Variants in HSD17B4 observed in about 807,000 individuals in gnomAD.
HSD17B4 encodes peroxisomal multifunctional enzyme type 2.
Under a neutral mutation model 101.0 loss-of-function variants are expected in HSD17B4, and 70 were observed. That is an observed-to-expected ratio of 0.69 (90% CI 0.57 to 0.85). HSD17B4 has a LOEUF of 0.85. Ranked by LOEUF, HSD17B4 falls within the 40% of genes least tolerant of loss-of-function variation. HSD17B4 has a pLI of 0.00. For missense variants in HSD17B4, 984 were observed against 892.4 expected (o/e 1.10, Z -1.31); for synonymous variants, 347 against 297.1 (o/e 1.17, Z -1.73).
Position 119,497,591 on chromosome 5 carries a change from C to T in HSD17B4, c.972+945C>T, listed in dbSNP as rs187817198. 1.4e-4 allele frequency among the ~76,000 whole-genome samples: 21 copies of T among 152,280 alleles called. No individual in the cohort carries two copies. The East Asian group carries it at 3.3e-3, about 24-fold the overall frequency. ...AGGTTCTTTGTTGTGTTTTTTACCC[C>T]TTTACCTAATGCCCATAAGGCTTTA... On this transcript the variant is annotated intron_variant, in intron 12 of 23. Transcript: ENST00000510025.
chr5:119,536,521 G>A lies in HSD17B4; in HGVS notation c.2092G>A (p.Val698Met). The change falls in exon 23 of 24, where the codon GTG becomes ATG. Residue 698 changes from valine to methionine, a missense_variant. Coordinates refer to ENST00000510025, the MANE Select transcript of HSD17B4 (RefSeq NM_000414.4). ...ACTTTCAGATGAAGATTTCATGGAG[G>A]TGGTCCTGGGCAAGCTTGACCCTCA... ...IILSDEDFME[V>M]VLGKLDPQKA... 6.2e-7 allele frequency: 1 copy of A among 1,612,088 alleles called. No homozygotes were observed. Among genetic ancestry groups the A allele is most frequent in the Non-Finnish European group, 8.5e-7 (1 of 1,178,438 alleles).
chr5:119,489,312 T>A, intron 9 of HSD17B4, 29 bp downstream of exon 9: 2 of 1,426,470 alleles, frequency 1.4e-6, no homozygotes, highest in Non-Finnish European at 2.0e-6. Context: ...TTTCTCTTAT[T>A]AGTTTTCTCC....
chr5:119,507,726 G>A (rs1479096062), intron 15 of HSD17B4, among the ~76,000 whole-genome samples: 2 of 151,326 alleles, frequency 1.3e-5, no homozygotes, highest in Non-Finnish European at 2.9e-5. Flanking sequence ...AGAGCATGCA[G>A]TGAGCTGAGA....
chr5:119,477,351 T>C (rs1057208981), intron 6 of HSD17B4, 66 bp from the exon 7 acceptor site: 13 of 1,064,006 alleles, frequency 1.2e-5, no homozygotes, highest in Non-Finnish European at 1.9e-5. Context: ...CAACATTGCT[T>C]ATGTTGATTC....
At chr5:119,465,899 T>C (rs1015470008) in intron 2 of HSD17B4, among the ~76,000 whole-genome samples, 1 of 152,196 alleles carries the variant, frequency 6.6e-6, no homozygotes, top group Non-Finnish European at 1.5e-5. Context: ...TTTATTTTGT[T>C]CCAGTTTTTA....
intron 23 of HSD17B4, among the ~76,000 whole-genome samples, chr5:119,538,441 A>G (rs567638011): frequency 1.3e-5 from 2 of 152,298 alleles, no homozygotes; most frequent in South Asian, 4.1e-4. Flanking sequence ...GTAATCCTTT[A>G]AAAATGTAAA....
intron 4 of HSD17B4, among the ~76,000 whole-genome samples, chr5:119,475,304 T>G (rs1748475971): frequency 6.7e-6 from 1 of 149,096 alleles, no homozygotes; most frequent in African/African-American, 2.5e-5. Context: ...GTTTTCTTTT[T>G]GGACTTTTTA....
chr5:119,452,500 C>T lies in HSD17B4; in HGVS notation c.-76C>T. ...TGACCCTCGTCCCGCCCCCGCCATT[C>T]CCCGCCTCCTCCTGTCCCGCAGTCG... On this transcript the variant is annotated 5_prime_UTR_variant, in exon 1 of 24. Transcript: ENST00000510025. The T allele has an allele frequency of 6.2e-7, 1 of 1,610,412 alleles. No individual in the cohort carries two copies. Among genetic ancestry groups the T allele is most frequent in the South Asian group, 1.1e-5 (1 of 90,942 alleles).
At chr5:119,471,521 G>A in intron 2 of HSD17B4, 1 of 430,754 alleles carries the variant, frequency 2.3e-6, no homozygotes, top group Non-Finnish European at 4.0e-6. Flanking sequence ...AAAAAGAGCA[G>A]TTTTTCAGAA....
At chr5:119,520,032 A>G (rs1349517686) in intron 17 of HSD17B4, among the ~76,000 whole-genome samples, 1 of 152,164 alleles carries the variant, frequency 6.6e-6, no homozygotes, top group East Asian at 1.9e-4. Flanking sequence ...TTAGTTTCCA[A>G]TACGTGTCAC....
intron 17 of HSD17B4, among the ~76,000 whole-genome samples, chr5:119,521,498 A>G (rs912876219): frequency 1.2e-4 from 18 of 151,992 alleles, no homozygotes; most frequent in African/African-American, 4.1e-4. Context: ...TTGGGTATCC[A>G]TTTATATGTA....
intron 1 of HSD17B4, among the ~76,000 whole-genome samples, chr5:119,455,560 C>CTATATATA (rs1358383041): frequency 1.5e-5 from 2 of 132,812 alleles, no homozygotes; most frequent in African/African-American, 5.5e-5. Context: ...CTCTCTCTCT[C>CTATATATA]TCTCTCTCTA....
intron 17 of HSD17B4, among the ~76,000 whole-genome samples, chr5:119,517,897 C>A (rs1055571200): frequency 1.3e-5 from 2 of 152,106 alleles, no homozygotes; most frequent in African/African-American, 4.8e-5. Flanking sequence ...TCTGGTGGGG[C>A]CTTGGAGAAC....
At chr5:119,511,830 C>G (rs1357134261) in intron 16 of HSD17B4, among the ~76,000 whole-genome samples, 1 of 151,998 alleles carries the variant, frequency 6.6e-6, no homozygotes, top group East Asian at 1.9e-4. Flanking sequence ...TCTGAAATGC[C>G]CAGTTAGCAA....
At chr5:119,509,671 C>T (rs1458019172) in intron 16 of HSD17B4, among the ~76,000 whole-genome samples, 4 of 152,050 alleles carry the variant, frequency 2.6e-5, no homozygotes, top group African/African-American at 9.7e-5. Context: ...CCATTATGTC[C>T]CCAGGCTTGG....
chr5:119,527,543 G>T (rs1018830120), intron 20 of HSD17B4, among the ~76,000 whole-genome samples: 30 of 151,992 alleles, frequency 2.0e-4, no homozygotes, highest in African/African-American at 7.2e-4. Context: ...TCAAGTCATT[G>T]TCAAAATATC....
At chr5:119,486,723 T>C (rs1243491084) in intron 8 of HSD17B4, among the ~76,000 whole-genome samples, 1 of 152,186 alleles carries the variant, frequency 6.6e-6, no homozygotes, top group African/African-American at 2.4e-5. Flanking sequence ...CTGCTTTTAT[T>C]CTTGTACATG....
intron 6 of HSD17B4, among the ~76,000 whole-genome samples, chr5:119,476,166 T>C (rs1372229636): frequency 6.6e-6 from 1 of 152,224 alleles, no homozygotes; most frequent in Non-Finnish European, 1.5e-5. Flanking sequence ...CAGCATTTTC[T>C]AGAGGTATTA....
At chr5:119,474,241 G>A (rs975580474) in intron 3 of HSD17B4, among the ~76,000 whole-genome samples, 160 bp from the exon 4 acceptor site, 1 of 152,092 alleles carries the variant, frequency 6.6e-6, no homozygotes, top group Non-Finnish European at 1.5e-5. Flanking sequence ...ATTTTTATTA[G>A]TGAGCACATG....
Sources: gnomAD v4.1 joint callset for allele counts (sites outside exome capture counted in the v4.1 genomes callset) on GRCh38, gnomAD v4.1.1 for gene constraint, MANE v1.5 for transcripts, NCBI Gene and HGNC (gene_info 2026-07-23, HGNC 2026-07-21) for gene names.